CALD1: variants seen among roughly 807,000 people sequenced by gnomAD.
CALD1 encodes caldesmon.
A neutral mutation model predicts 99.9 loss-of-function variants in CALD1; 33 were observed. That is an observed-to-expected ratio of 0.33 (90% confidence interval 0.25 to 0.44). CALD1 has a LOEUF of 0.44. Ranked by LOEUF, CALD1 falls within the 20% of genes least tolerant of loss-of-function variation. The pLI, the probability that CALD1 is intolerant of heterozygous loss-of-function variation, is 1.00. For missense variants in CALD1, 861 were observed against 962.1 expected (o/e 0.89, Z 1.39); for synonymous variants, 310 against 325.0 (o/e 0.95, Z 0.50).
chr7:134,860,325 C>A (rs1011081324), intron 2 of CALD1, among the ~76,000 whole-genome samples: 1 of 152,130 alleles, frequency 6.6e-6, no homozygotes, highest in Non-Finnish European at 1.5e-5. Context: ...AGTGGGTTGA[C>A]AAATTGATTT....
chr7:134,840,656 AAAATGTCAG>A (rs1471151817), intron 1 of CALD1, among the ~76,000 whole-genome samples: 6 of 150,678 alleles, frequency 4.0e-5, no homozygotes, highest in Non-Finnish European at 7.4e-5. Context: ...AAGGTAAAAG[AAAATGTCAG>A]TGTTGGCAGC....
the CALD1 span, among the ~76,000 whole-genome samples, chr7:134,717,256 T>C: frequency 1.3e-5 from 2 of 152,186 alleles, no homozygotes; most frequent in Admixed American, 6.5e-5. Flanking sequence ...CTGTGTTGCA[T>C]AGGTCTATGT....
chr7:134,927,181 C>G (rs75318629), intron 3 of CALD1, among the ~76,000 whole-genome samples: 2,169 of 152,158 alleles, frequency 0.014, 38 homozygotes, highest in African/African-American at 0.05. Flanking sequence ...GTCAAAATAG[C>G]TATTTCCTCT....
rs144581023 is a variant in CALD1 at position 134,864,492 on chromosome 7, G to A, written c.-41-3201G>A. ...CAGCTCACTGCAACCTCCACCTCAC[G>A]AGTTCAAGTGATTCTCCTGCCTCAG... is the stretch of plus-strand genomic sequence containing the variant. On this transcript the variant is annotated intron_variant, in intron 2 of 14. Coordinates refer to ENST00000361675, the MANE Select transcript of CALD1 (RefSeq NM_033138.4). Among the ~76,000 whole-genome samples the A allele has an allele frequency of 7.9e-3, 1,191 of 151,230 alleles. 11 individuals are homozygous for A. The highest frequency in any genetic ancestry group is 0.026 in the African/African-American group (1,089 of 41,132).
chr7:134,842,625 T>C (rs1269120350), intron 1 of CALD1, among the ~76,000 whole-genome samples: 1 of 152,238 alleles, frequency 6.6e-6, no homozygotes, highest in Non-Finnish European at 1.5e-5. Flanking sequence ...ACCTTTGCAA[T>C]GATTCTCTGT....
chr7:134,902,460 A>C (rs1307408385), intron 3 of CALD1, among the ~76,000 whole-genome samples: 1 of 152,050 alleles, frequency 6.6e-6, no homozygotes, highest in Non-Finnish European at 1.5e-5. Flanking sequence ...CTGAATCTGA[A>C]GGTTTTGGGG....
chr7:134,763,973 A>C (rs899101505), intron 1 of CALD1, among the ~76,000 whole-genome samples: 2 of 151,542 alleles, frequency 1.3e-5, no homozygotes, highest in Non-Finnish European at 2.9e-5. Context: ...TTGGCATTCT[A>C]GTTTCTAAAT....
At chr7:134,798,059 C>T (rs1797813132) in intron 1 of CALD1, among the ~76,000 whole-genome samples, 1 of 152,116 alleles carries the variant, frequency 6.6e-6, no homozygotes, top group Admixed American at 6.5e-5. Context: ...AATATTGATG[C>T]ATTATTATTA....
In CALD1 at chr7:134,960,056, T is replaced by C; in HGVS notation, c.2144T>C (p.Met715Thr). 1 of 1,614,190 alleles carries C rather than the reference T, an allele frequency of 6.2e-7. No individual in the cohort carries two copies. The highest frequency in any genetic ancestry group is 8.5e-7 in the Non-Finnish European group (1 of 1,180,018). The change falls in exon 12 of 15, where the codon ATG becomes ACG. Residue 715 changes from methionine to threonine, a missense_variant. This residue lies in a region of CALD1 where 190 missense variants were observed against 249.0 expected (regional missense o/e 0.76). Coordinates refer to ENST00000361675, the MANE Select transcript of CALD1 (RefSeq NM_033138.4). ...GAAGGTGTACGCAACATCAAGAGTA[T>C]GTGGGAGAAAGGGAATGTGTTTTCA... is the stretch of plus-strand genomic sequence containing the variant. ...PAEGVRNIKSMWEKGNVFSSP... is the reference protein window; with the variant it reads ...PAEGVRNIKSTWEKGNVFSSP...
intron 1 of CALD1, among the ~76,000 whole-genome samples, chr7:134,821,530 T>A (rs1798772893): frequency 1.3e-5 from 2 of 152,120 alleles, no homozygotes; most frequent in Admixed American, 1.3e-4. Flanking sequence ...TAGGTGATTT[T>A]TTTTAATGTT....
intron 9 of CALD1, among the ~76,000 whole-genome samples, chr7:134,954,152 A>G (rs1425844300): frequency 6.6e-6 from 1 of 152,226 alleles, no homozygotes; most frequent in Non-Finnish European, 1.5e-5. Flanking sequence ...ATTTTTAAAA[A>G]ATATCTCATG....
intron 2 of CALD1, among the ~76,000 whole-genome samples, chr7:134,864,950 C>T (rs537722207): frequency 5.9e-5 from 9 of 152,244 alleles, no homozygotes; most frequent in South Asian, 2.1e-4. Context: ...TCTCCGAGAA[C>T]GCATCATCTG....
chr7:134,755,416 T>C (rs1380782262), intron 1 of CALD1, among the ~76,000 whole-genome samples: 1 of 152,246 alleles, frequency 6.6e-6, no homozygotes, highest in Non-Finnish European at 1.5e-5. Context: ...TTGCTTTTCA[T>C]TGATTACAAG....
At chr7:134,810,424 A>G (rs1798309328) in intron 1 of CALD1, among the ~76,000 whole-genome samples, 1 of 152,200 alleles carries the variant, frequency 6.6e-6, no homozygotes, top group Admixed American at 6.5e-5. Context: ...ATGTATAAGA[A>G]TATGTATTAT....
chr7:134,746,018 C>A (rs1796632091), intron 1 of CALD1, among the ~76,000 whole-genome samples: 2 of 152,178 alleles, frequency 1.3e-5, no homozygotes, highest in Admixed American at 1.3e-4. Context: ...CTGAAGAGAA[C>A]CTATGGGAAA....
chr7:134,939,728 C>T (rs555927534), intron 6 of CALD1, among the ~76,000 whole-genome samples: 2 of 152,126 alleles, frequency 1.3e-5, no homozygotes, highest in South Asian at 4.2e-4. Flanking sequence ...TTTGGGAGGC[C>T]GAGGTGGGCA....
chr7:134,867,997 G>C (rs969199887), intron 3 of CALD1, 193 bp downstream of exon 3: 5 of 393,044 alleles, frequency 1.3e-5, no homozygotes, highest in African/African-American at 8.2e-5. Flanking sequence ...CAAGAATCAA[G>C]AAAAAGAGAG....
rs1808187933 is a variant in CALD1 at position 134,960,567 on chromosome 7, G to A, written c.2234G>A (p.Arg745His). 1.9e-6 allele frequency: 3 copies of A among 1,612,996 alleles called. No homozygotes were observed. Among genetic ancestry groups the A allele is most frequent in the Non-Finnish European group, 2.5e-6 (3 of 1,179,076 alleles). Residue 745 changes from arginine (R) to histidine (H), a missense_variant, in exon 13 of 15, where the codon CGC becomes CAC. This residue lies in a region of CALD1 where 190 missense variants were observed against 249.0 expected (regional missense o/e 0.76). Transcript: ENST00000361675. ...TAGLKVGVSSRINEWLTKTPD... is the reference protein window; with the variant it reads ...TAGLKVGVSSHINEWLTKTPD... Reference sequence around the variant, plus strand: ...GGCTTGAAGGTAGGGGTTTCTAGCCGCATCAATGAATGGCTAACTAAAACC... The same window carrying A: ...GGCTTGAAGGTAGGGGTTTCTAGCCACATCAATGAATGGCTAACTAAAACC...
chr7:134,831,383 G>A (rs1469281389), intron 1 of CALD1, among the ~76,000 whole-genome samples: 2 of 151,904 alleles, frequency 1.3e-5, no homozygotes, highest in African/African-American at 2.4e-5. Context: ...GCAGTGGCGC[G>A]ATCTCGGCTC....
Sources: gnomAD v4.1 joint callset for allele counts (sites outside exome capture counted in the v4.1 genomes callset) on GRCh38, gnomAD v4.1.1 for gene constraint, gnomAD v4.1.1 regional missense constraint, MANE v1.5 for transcripts, NCBI Gene and HGNC (gene_info 2026-07-23, HGNC 2026-07-21) for gene names.